Variants in CPE observed in about 807,000 individuals in gnomAD.
CPE encodes the protein carbocypeptidase E.
In CPE, 17 loss-of-function variants were observed where a neutral mutation model predicts 53.5. The ratio of observed to expected loss-of-function variants is 0.32; its 90% CI spans 0.22 to 0.48. The LOEUF is 0.48. Ranked by LOEUF, CPE falls within the 20% of genes least tolerant of loss-of-function variation. The probability of loss-of-function intolerance (pLI) is 0.99; values close to 1 mark genes in which losing one functional copy is unlikely to be tolerated. For synonymous variants in CPE, 226 were observed against 228.8 expected (o/e 0.99, Z 0.11); for missense variants, 524 against 614.7 (o/e 0.85, Z 1.56).
At chr4:165,389,681 T>C (rs935513765) in intron 1 of CPE, among the ~76,000 whole-genome samples, 4 of 152,210 alleles carry the variant, frequency 2.6e-5, no homozygotes, top group Non-Finnish European at 4.4e-5. Context: ...TTAACGGCCA[T>C]TTATAAATTA....
At chr4:165,385,443 C>CT (rs70955613) in intron 1 of CPE, among the ~76,000 whole-genome samples, 24,475 of 106,758 alleles carry the variant, frequency 0.23, 3,732 homozygotes, top group East Asian at 0.4. Context: ...CAAATGTTTG[C>CT]TTTTTTTTTT....
At chr4:165,400,393 G>A (rs1730847386) in intron 1 of CPE, among the ~76,000 whole-genome samples, 1 of 152,160 alleles carries the variant, frequency 6.6e-6, no homozygotes, top group South Asian at 2.1e-4. Flanking sequence ...AAGATTAAAT[G>A]AGCAAGAAGA....
At chr4:165,439,414 G>C (rs1164797872) in intron 1 of CPE, among the ~76,000 whole-genome samples, 1 of 152,054 alleles carries the variant, frequency 6.6e-6, no homozygotes, top group African/African-American at 2.4e-5. Flanking sequence ...TTTATTGTTG[G>C]TCATTCTGAT....
At chr4:165,455,624 A>G (rs1731887508) in intron 1 of CPE, among the ~76,000 whole-genome samples, 1 of 151,836 alleles carries the variant, frequency 6.6e-6, no homozygotes, top group African/African-American at 2.4e-5. Context: ...CTCTGTGCTC[A>G]CTTAACAATG....
intron 1 of CPE, among the ~76,000 whole-genome samples, chr4:165,403,810 A>G (rs1471901443): frequency 6.6e-6 from 1 of 151,652 alleles, no homozygotes; most frequent in Admixed American, 6.6e-5. Flanking sequence ...CTTGGCTGCC[A>G]CTCTAGGCCT....
chr4:165,446,297 AAAATATTTCC>A (rs1731712801), intron 1 of CPE, among the ~76,000 whole-genome samples: 1 of 152,240 alleles, frequency 6.6e-6, no homozygotes, highest in African/African-American at 2.4e-5. Flanking sequence ...TTAGACTGAG[AAAATATTTCC>A]AATACTGCAT....
chr4:165,384,435 C>T (rs1393925739), intron 1 of CPE, among the ~76,000 whole-genome samples: 1 of 152,122 alleles, frequency 6.6e-6, no homozygotes, highest in Non-Finnish European at 1.5e-5. Flanking sequence ...TCTGCCTAGG[C>T]AACATCATGA....
intron 1 of CPE, among the ~76,000 whole-genome samples, chr4:165,454,824 T>A (rs1430356701): frequency 6.6e-6 from 1 of 152,232 alleles, no homozygotes. Flanking sequence ...ATGATTTGTA[T>A]AGGACAGTTT....
intron 1 of CPE, among the ~76,000 whole-genome samples, chr4:165,392,683 TATC>T (rs1730704375): frequency 6.8e-6 from 1 of 147,600 alleles, no homozygotes; most frequent in African/African-American, 2.5e-5. Context: ...TTATATATCA[TATC>T]ATAATGGAGC....
chr4:165,483,244 G>A (rs1448003560), intron 4 of CPE, among the ~76,000 whole-genome samples: 2 of 152,022 alleles, frequency 1.3e-5, no homozygotes, highest in African/African-American at 4.8e-5. Flanking sequence ...GAGAGTATGT[G>A]GTATTTGATT....
At chr4:165,443,578 C>T (rs1174497092) in intron 1 of CPE, among the ~76,000 whole-genome samples, 2 of 152,202 alleles carry the variant, frequency 1.3e-5, no homozygotes, top group Non-Finnish European at 2.9e-5. Context: ...TCACATGGCC[C>T]TTTCTGTGTA....
At chr4:165,461,207 A>AAAAATAAC in intron 1 of CPE, among the ~76,000 whole-genome samples, 1 of 150,308 alleles carries the variant, frequency 6.7e-6, no homozygotes, top group Non-Finnish European at 1.5e-5. Flanking sequence ...AAAAGAAAAG[A>AAAAATAAC]AAAATAACAA....
At chr4:165,464,324 G>A (rs1732060615) in intron 1 of CPE, 66 bp from the exon 2 acceptor site, 4 of 1,223,536 alleles carry the variant, frequency 3.3e-6, no homozygotes, top group African/African-American at 1.5e-5. Context: ...TACATTTGTA[G>A]GTATACAATA....
chr4:165,472,906 T>C (rs1164557422), intron 3 of CPE, among the ~76,000 whole-genome samples: 1 of 152,208 alleles, frequency 6.6e-6, no homozygotes, highest in Admixed American at 6.5e-5. Context: ...TTACTTTTGG[T>C]GAAAAACCTG....
chr4:165,406,144 C>G, intron 1 of CPE: 1 of 745,744 alleles, frequency 1.3e-6, no homozygotes, highest in South Asian at 1.4e-5. Context: ...CTGAATGCAG[C>G]TGTTTGTTTA....
At chr4:165,419,098 T>C (rs972175355) in intron 1 of CPE, among the ~76,000 whole-genome samples, 1 of 152,212 alleles carries the variant, frequency 6.6e-6, no homozygotes, top group Non-Finnish European at 1.5e-5. Flanking sequence ...AACTCTTTTC[T>C]AGGTCATTAA....
At chr4:165,453,308 T>TTCC in intron 1 of CPE, among the ~76,000 whole-genome samples, 1 of 151,572 alleles carries the variant, frequency 6.6e-6, no homozygotes, top group African/African-American at 2.4e-5. Flanking sequence ...TTTCTTTCTT[T>TTCC]TTCCTTCCTT....
At chr4:165,422,240 C>T (rs1731236288) in intron 1 of CPE, among the ~76,000 whole-genome samples, 1 of 151,968 alleles carries the variant, frequency 6.6e-6, no homozygotes, top group Non-Finnish European at 1.5e-5. Context: ...TCATCATTAT[C>T]ATTATCACTT....
chr4:165,488,025 C>T (rs1380349866), intron 6 of CPE, among the ~76,000 whole-genome samples: 1 of 152,082 alleles, frequency 6.6e-6, no homozygotes, highest in South Asian at 2.1e-4. Context: ...GCTGTACAAG[C>T]CTCATCTTTC....
Sources: gnomAD v4.1 joint callset for allele counts (sites outside exome capture counted in the v4.1 genomes callset) on GRCh38, gnomAD v4.1.1 for gene constraint, MANE v1.5 for transcripts, NCBI Gene and HGNC (gene_info 2026-07-23, HGNC 2026-07-21) for gene names.